CHN1: variants seen among roughly 807,000 people sequenced by gnomAD.
The protein encoded by CHN1 is chimerin 1, also known as N-chimaerin.
A neutral mutation model predicts 59.5 loss-of-function variants in CHN1; 37 were observed. The ratio of observed to expected loss-of-function variants is 0.62; its 90% confidence interval spans 0.48 to 0.82. CHN1 has a LOEUF of 0.82. Ranked by LOEUF, CHN1 falls within the 40% of genes least tolerant of loss-of-function variation. The pLI, the probability that CHN1 is intolerant of heterozygous loss-of-function variation, is 0.00. For missense variants in CHN1, 469 were observed against 571.0 expected (o/e 0.82, Z 1.82); for synonymous variants, 206 against 200.4 (o/e 1.03, Z -0.24).
chr2:174,817,819 A>G (rs1383788607), intron 8 of CHN1, among the ~76,000 whole-genome samples: 6 of 151,978 alleles, frequency 3.9e-5, no homozygotes, highest in South Asian at 2.1e-4. Context: ...TTATATTTTT[A>G]GTAGAGACGG....
chr2:174,849,933 G>A (rs1351654517), intron 6 of CHN1, among the ~76,000 whole-genome samples: 1 of 152,144 alleles, frequency 6.6e-6, no homozygotes, highest in Non-Finnish European at 1.5e-5. Context: ...TATTCAAGGT[G>A]GTTTCTCTAG....
chr2:174,904,209 G>A (rs980315873), intron 5 of CHN1, among the ~76,000 whole-genome samples: 5 of 151,842 alleles, frequency 3.3e-5, no homozygotes, highest in Admixed American at 1.3e-4. Context: ...GTTGTGGCAC[G>A]AGATTGTGCC....
At chr2:174,989,991 A>T (rs1044180846) in intron 1 of CHN1, among the ~76,000 whole-genome samples, 13 of 152,132 alleles carry the variant, frequency 8.5e-5, no homozygotes, top group African/African-American at 2.9e-4. Context: ...TTAACTAAAA[A>T]TTATTTCAAA....
chr2:174,916,060 A>G (rs1467022344), intron 4 of CHN1, among the ~76,000 whole-genome samples: 1 of 152,208 alleles, frequency 6.6e-6, no homozygotes, highest in Non-Finnish European at 1.5e-5. Context: ...GACTCTCCCT[A>G]TCTACCTAAA....
At position 174,841,586 on chromosome 2, in the gene CHN1, T is replaced by C. The variant is rs911277281; in HGVS notation, c.627+5294A>G. 4.6e-5 allele frequency among the ~76,000 whole-genome samples: 7 copies of C among 152,148 alleles called. No homozygotes were observed. In the East Asian group the frequency reaches 1.3e-3, roughly 29 times the overall value. On this transcript the variant is annotated intron_variant, in intron 7 of 12. Transcript: ENST00000409900. ...TGTCTTCTCTTGCAAGTGGCCCACA[T>C]TGAGAACTGGGGAAAGAGTGTGTGT...
intron 5 of CHN1, among the ~76,000 whole-genome samples, chr2:174,892,481 G>A (rs534223754): frequency 1.2e-4 from 19 of 152,272 alleles, no homozygotes; most frequent in Admixed American, 6.5e-4. Context: ...TGCTAACACC[G>A]TGGTCTTGGA....
chr2:174,885,884 T>C (rs1687879872), intron 5 of CHN1, among the ~76,000 whole-genome samples: 1 of 152,238 alleles, frequency 6.6e-6, no homozygotes, highest in South Asian at 2.1e-4. Context: ...TACATAAATT[T>C]ATATTTGTAC....
At position 174,856,686 on chromosome 2, in the gene CHN1, G is replaced by A. The variant is rs190494371; in HGVS notation, c.550-9729C>T. On this transcript the variant is annotated intron_variant, in intron 6 of 12. Coordinates refer to ENST00000409900, the MANE Select transcript of CHN1 (RefSeq NM_001822.7). The stretch of plus-strand genomic sequence containing the variant: ...CTGGCTTCCAAGCCTTGTTCTTACT[G>A]CTATTCGACAAGCCACTTAGCTTTT... 2.6e-5 allele frequency among the ~76,000 whole-genome samples: 4 copies of A among 152,252 alleles called. No individual in the cohort carries two copies. The East Asian group carries it at 7.7e-4, about 29-fold the overall frequency.
chr2:174,907,594 A>G (rs1262884391), intron 5 of CHN1, among the ~76,000 whole-genome samples: 1 of 151,812 alleles, frequency 6.6e-6, no homozygotes, highest in Admixed American at 6.6e-5. Flanking sequence ...TTCTTCTCAA[A>G]ATAAAAATAG....
At chr2:174,939,731 C>T (rs1157740004) in intron 3 of CHN1, among the ~76,000 whole-genome samples, 4 of 152,160 alleles carry the variant, frequency 2.6e-5, no homozygotes, top group East Asian at 3.9e-4. Flanking sequence ...CCATTACATG[C>T]AAATTATTTA....
At chr2:174,840,308 G>A (rs1303717946) in intron 7 of CHN1, among the ~76,000 whole-genome samples, 1 of 151,462 alleles carries the variant, frequency 6.6e-6, no homozygotes, top group African/African-American at 2.4e-5. Flanking sequence ...GAAACCACAG[G>A]TGCACAATAT....
rs527522167 is a variant in CHN1, at chr2:174,968,429, G to T, written c.20-16227C>A. Among the ~76,000 whole-genome samples, 58 of 152,312 alleles carry T rather than the reference G, an allele frequency of 3.8e-4. No homozygotes were observed. The South Asian group carries it at 0.011, about 30-fold the overall frequency. On this transcript the variant is annotated intron_variant, in intron 1 of 12. Transcript: ENST00000409900. ...AAGTCAGACATGGAAGTAATACTGT[G>T]GCAACCACAAATGAGCGGAGTTGGA...
intron 3 of CHN1, among the ~76,000 whole-genome samples, chr2:174,924,068 A>G (rs921240631): frequency 2.0e-5 from 3 of 152,220 alleles, no homozygotes; most frequent in Non-Finnish European, 2.9e-5. Context: ...CTACATTGGC[A>G]TAAGAATTAT....
intron 3 of CHN1, among the ~76,000 whole-genome samples, chr2:174,932,036 G>A (rs940558276): frequency 1.3e-5 from 2 of 152,156 alleles, no homozygotes; most frequent in Non-Finnish European, 2.9e-5. Context: ...GGAGAGTTCT[G>A]AGCAGAACAG....
chr2:174,919,373 A>C (rs1485792686), intron 3 of CHN1, among the ~76,000 whole-genome samples: 1 of 152,118 alleles, frequency 6.6e-6, no homozygotes, highest in Non-Finnish European at 1.5e-5. Flanking sequence ...GCTCTCTCTG[A>C]GATGACATTT....
chr2:174,953,256 C>G (rs1176282528), intron 1 of CHN1, among the ~76,000 whole-genome samples: 1 of 152,054 alleles, frequency 6.6e-6, no homozygotes. Flanking sequence ...ATTCAGCCTC[C>G]AATCTGCAAC....
At chr2:174,879,284 A>G (rs1447028132) in intron 5 of CHN1, among the ~76,000 whole-genome samples, 2 of 152,244 alleles carry the variant, frequency 1.3e-5, no homozygotes, top group East Asian at 1.9e-4. Flanking sequence ...ATGTGGAAAT[A>G]AAGTATGGAA....
intron 1 of CHN1, among the ~76,000 whole-genome samples, chr2:174,965,268 C>T (rs920326004): frequency 3.9e-5 from 6 of 151,960 alleles, no homozygotes; most frequent in Non-Finnish European, 1.5e-5. Flanking sequence ...TAAAAATGAC[C>T]TCTGAAAACA....
At chr2:174,808,273 T>C (rs115507712) in intron 11 of CHN1, among the ~76,000 whole-genome samples, 36 of 152,210 alleles carry the variant, frequency 2.4e-4, no homozygotes, top group African/African-American at 8.7e-4. Context: ...AGATAGTTGG[T>C]TTTTTGTTTG....
Sources: gnomAD v4.1 joint callset for allele counts (sites outside exome capture counted in the v4.1 genomes callset) on GRCh38, gnomAD v4.1.1 for gene constraint, MANE v1.5 for transcripts, NCBI Gene and HGNC (gene_info 2026-07-23, HGNC 2026-07-21) for gene names.